The following TOGARAM1 variants were observed in gnomAD, a reference collection of about 807,000 sequenced individuals.
TOGARAM1 encodes the protein TOG array regulator of axonemal microtubules 1, also known as TOG array regulator of axonemal microtubules protein 1.
A neutral mutation model predicts 166.6 loss-of-function variants in TOGARAM1; 100 were observed. The ratio of observed to expected loss-of-function variants is 0.60; its 90% CI spans 0.51 to 0.71. The LOEUF is 0.71. TOGARAM1 is among the 30% of genes least tolerant of loss of function. The probability of loss-of-function intolerance (pLI) is 0.00; values close to 1 mark genes in which losing one functional copy is unlikely to be tolerated. For missense variants in TOGARAM1, 2,029 were observed against 2,102.7 expected, an observed-to-expected ratio of 0.96 and a Z score of 0.69; for synonymous variants, 758 against 763.8, an observed-to-expected ratio of 0.99 and a Z score of 0.13.
rs1350976600 is a variant in TOGARAM1, at chr14:45,043,685, G to A, written c.3813-1G>A. ...GATCTTGTCATTTCTTTTTCTCATA[G>A]GGAGAAGAAAATTGAGGGACTGAAT... On this transcript the variant is annotated splice_acceptor_variant, in intron 11 of 19. Coordinates refer to ENST00000361462, the MANE Select transcript of TOGARAM1 (RefSeq NM_001308120.2). LOFTEE classifies it high-confidence loss of function. The A allele has an allele frequency of 6.5e-7, 1 of 1,546,234 alleles. No individual in the cohort carries two copies. Among genetic ancestry groups the A allele is most frequent in the South Asian group, 1.1e-5 (1 of 89,596 alleles).
intron 11 of TOGARAM1, among the ~76,000 whole-genome samples, chr14:45,033,964 G>A (rs1000751308): frequency 3.3e-5 from 5 of 152,136 alleles, no homozygotes; most frequent in Non-Finnish European, 5.9e-5. Flanking sequence ...GACCAGCCTG[G>A]CCAACATGGT....
intron 1 of TOGARAM1, among the ~76,000 whole-genome samples, chr14:44,975,361 T>C (rs1886120991): frequency 6.6e-6 from 1 of 152,190 alleles, no homozygotes; most frequent in Non-Finnish European, 1.5e-5. Flanking sequence ...ATTGTATTAG[T>C]TTTAGTGTCT....
At chr14:45,060,620 G>T (rs888388573) in intron 16 of TOGARAM1, among the ~76,000 whole-genome samples, 1 of 151,996 alleles carries the variant, frequency 6.6e-6, no homozygotes, top group African/African-American at 2.4e-5. Context: ...CAGATATCTT[G>T]GTCAAAAAAT....
At chr14:45,007,241 A>G (rs1182238212) in intron 5 of TOGARAM1, 1 of 151,916 alleles carries the variant, frequency 6.6e-6, no homozygotes, top group Non-Finnish European at 1.5e-5. Flanking sequence ...TGTTAAACAC[A>G]TGTAAAACTA....
intron 18 of TOGARAM1, 99 bp from the exon 19 acceptor site, chr14:45,071,613 C>G (rs1474197803): frequency 4.1e-6 from 3 of 736,062 alleles, no homozygotes; most frequent in African/African-American, 1.8e-5. Context: ...CATTTGCATC[C>G]TAGAAGTGAT....
At chr14:45,036,820 C>T (rs1262209455) in intron 11 of TOGARAM1, among the ~76,000 whole-genome samples, 1 of 152,110 alleles carries the variant, frequency 6.6e-6, no homozygotes, top group Admixed American at 6.5e-5. Context: ...TGTATTAGTC[C>T]GTTTTCATGC....
At chr14:45,018,548 A>G (rs529173886) in intron 7 of TOGARAM1, among the ~76,000 whole-genome samples, 4 of 152,264 alleles carry the variant, frequency 2.6e-5, no homozygotes, top group East Asian at 3.9e-4. Flanking sequence ...CTAGCCTGCC[A>G]TTTCTGATTA....
chr14:45,026,641 C>T (rs1880857921), intron 8 of TOGARAM1, among the ~76,000 whole-genome samples: 1 of 152,084 alleles, frequency 6.6e-6, no homozygotes. Flanking sequence ...TCCTTCTTTA[C>T]TTTATACAGA....
At chr14:45,016,376 G>A (rs895694591) in intron 7 of TOGARAM1, among the ~76,000 whole-genome samples, 2 of 152,134 alleles carry the variant, frequency 1.3e-5, no homozygotes, top group East Asian at 3.9e-4. Context: ...AGCCTGGGGA[G>A]ACTCTGTCTT....
chr14:45,056,039 A>G (rs1438500453), intron 16 of TOGARAM1, among the ~76,000 whole-genome samples: 1 of 151,970 alleles, frequency 6.6e-6, no homozygotes, highest in Non-Finnish European at 1.5e-5. Context: ...TGTGTCATCT[A>G]CAACTTCTTT....
chr14:45,022,566 A>G (rs1880583544), intron 7 of TOGARAM1, among the ~76,000 whole-genome samples: 1 of 151,386 alleles, frequency 6.6e-6, no homozygotes, highest in Non-Finnish European at 1.5e-5. Context: ...GTTTTAAGTA[A>G]TTTCCATTGG....
rs928482381 is a variant in TOGARAM1, at chr14:44,984,408, A to C, written c.2047-11338A>C. Among the ~76,000 whole-genome samples the C allele has an allele frequency of 7.9e-5, 12 of 152,118 alleles. 1 individual carries two copies. The East Asian group carries it at 1.7e-3, about 22-fold the overall frequency. On this transcript the variant is annotated intron_variant, in intron 1 of 19. Transcript: ENST00000361462. Reference sequence around the variant, plus strand: ...TTAGATAACATCTAAAATTTCAAAAATTTTAAATAAATTTAAACATAATTA... The same window carrying C: ...TTAGATAACATCTAAAATTTCAAAACTTTTAAATAAATTTAAACATAATTA...
In TOGARAM1 at chr14:44,966,237, T is replaced by C. The variant is rs527737036; in HGVS notation, c.2046+1770T>C. On this transcript the variant is annotated intron_variant, in intron 1 of 19. Coordinates refer to ENST00000361462, the MANE Select transcript of TOGARAM1 (RefSeq NM_001308120.2). Reference sequence around the variant, plus strand: ...CTGTAATGCCAGCACTTTGGGAGGCTGAGGCAGGCAGATAACCTGAGGTCA... The same window carrying C: ...CTGTAATGCCAGCACTTTGGGAGGCCGAGGCAGGCAGATAACCTGAGGTCA... Among the ~76,000 whole-genome samples the C allele has an allele frequency of 3.2e-4, 48 of 151,554 alleles. No homozygotes were observed. In the South Asian group the frequency reaches 9.2e-3, roughly 29 times the overall value.
chr14:45,008,703 C>T (rs188231534), intron 5 of TOGARAM1, among the ~76,000 whole-genome samples: 2 of 152,188 alleles, frequency 1.3e-5, no homozygotes, highest in Admixed American at 1.3e-4. Context: ...TCTCAAGGAG[C>T]TTTCAACCCA....
chr14:45,042,620 T>A (rs1881783555), intron 11 of TOGARAM1, among the ~76,000 whole-genome samples: 1 of 152,102 alleles, frequency 6.6e-6, no homozygotes, highest in Admixed American at 6.5e-5. Context: ...TAAGTTAATA[T>A]AATTATAATC....
In TOGARAM1 at chr14:45,073,854, A is replaced by C. The variant is rs1883491286; in HGVS notation, c.*293A>C. Reference sequence around the variant, plus strand: ...TGCTCATTTGCACTATTCTATAGAAACTACAATTTGTTGCCCTATATGTAA... The same window carrying C: ...TGCTCATTTGCACTATTCTATAGAACCTACAATTTGTTGCCCTATATGTAA... On this transcript the variant is annotated 3_prime_UTR_variant, in exon 20 of 20. Coordinates refer to ENST00000361462, the MANE Select transcript of TOGARAM1 (RefSeq NM_001308120.2). 4.3e-6 allele frequency: 1 copy of C among 233,048 alleles called. No homozygotes were observed. Among genetic ancestry groups the C allele is most frequent in the African/African-American group, 2.3e-5 (1 of 44,380 alleles). 14.4% of individuals were successfully genotyped at this position (233,048 alleles called of 1,614,324 possible).
In TOGARAM1 at chr14:45,046,470, A is replaced by C. The variant is rs1882071561; in HGVS notation, c.4155-75A>C. Reference sequence around the variant, plus strand: ...AACCAAAATACAAACAAACAAAAACAACCCATAGATCCATAGATCTTTGGA... The same window carrying C: ...AACCAAAATACAAACAAACAAAAACCACCCATAGATCCATAGATCTTTGGA... On this transcript the variant is annotated intron_variant, in intron 13 of 19. Transcript: ENST00000361462. 3 of 1,207,656 alleles carry C rather than the reference A, an allele frequency of 2.5e-6. No homozygotes were observed. In the African/African-American group the frequency reaches 4.7e-5, roughly 19 times the overall value. The allele number at this position is 1,207,656 out of a possible 1,614,324, so 74.8% of individuals were successfully genotyped here. A position where few individuals can be genotyped will look rare whatever the true frequency, so the allele number is the denominator to read the frequency against.
intron 2 of TOGARAM1, chr14:44,996,808 G>T (rs1346386003): frequency 6.6e-6 from 1 of 152,234 alleles, no homozygotes; most frequent in Admixed American, 6.5e-5. Flanking sequence ...TACATGGTGG[G>T]AGCAAGGGGA....
rs972279651 is a variant in TOGARAM1, at chr14:45,027,332, C to G, written c.3362C>G (p.Thr1121Ser). Reference protein sequence around the residue: ...VFGSLSSAPATCSQSVISSVE... With the variant: ...VFGSLSSAPASCSQSVISSVE... ...GGAAGTTTAAGTTCAGCACCAGCAACCTGCAGCCAATCAGTGATATCTTCT... is the reference window on the plus strand; with the variant it reads ...GGAAGTTTAAGTTCAGCACCAGCAAGCTGCAGCCAATCAGTGATATCTTCT... The change falls in exon 9 of 20, where the codon ACC (threonine) becomes AGC (serine). Residue 1121 changes from threonine to serine, a missense_variant. By Grantham distance (58) the Thr-to-Ser change is moderately conservative. This residue lies in a region of TOGARAM1 where 1,453 missense variants were observed against 1,432.2 expected (regional missense o/e 1.01). Coordinates refer to ENST00000361462, the MANE Select transcript of TOGARAM1 (RefSeq NM_001308120.2). 4 of 1,613,018 alleles carry G rather than the reference C, an allele frequency of 2.5e-6. No individual in the cohort carries two copies. In the African/African-American group the frequency reaches 4.0e-5, roughly 16 times the overall value.
Sources: gnomAD v4.1 joint callset for allele counts (sites outside exome capture counted in the v4.1 genomes callset) on GRCh38, gnomAD v4.1.1 for gene constraint, gnomAD v4.1.1 regional missense constraint, MANE v1.5 for transcripts, NCBI Gene and HGNC (gene_info 2026-07-23, HGNC 2026-07-21) for gene names.